The following PKHD1 variants were observed in gnomAD, a reference collection of about 807,000 sequenced individuals.
PKHD1 encodes the protein PKHD1 ciliary IPT domain containing fibrocystin/polyductin.
Under a neutral mutation model 412.0 loss-of-function variants are expected in PKHD1, and 291 were observed. The observed-to-expected ratio is 0.71, with a 90% CI of 0.64 to 0.78. The LOEUF is 0.78. Among genes scored for constraint, PKHD1 ranks in the 30% least tolerant of loss-of-function variants. The pLI is 0.00. For missense variants in PKHD1, 4,825 were observed against 4,950.7 expected (o/e 0.97, Z 0.76); for synonymous variants, 1,777 against 1,821.5 (o/e 0.98, Z 0.62).
rs192640102 is a variant in PKHD1, at chr6:51,922,749, G to T, written c.6122-10173C>A. On this transcript the variant is annotated intron_variant, in intron 37 of 66. Coordinates refer to ENST00000371117, the MANE Select transcript of PKHD1 (RefSeq NM_138694.4). ...CATGGGCATGGGACCCTCCGAGCCA[G>T]GCACGGGATATAATCTCCTGGTGTG... Among the ~76,000 whole-genome samples the T allele has an allele frequency of 6.3e-4, 96 of 152,352 alleles. 1 individual carries two copies. In the South Asian group the frequency reaches 0.011, roughly 18 times the overall value.
chr6:51,728,462 A>G (rs2150873451), intron 60 of PKHD1, among the ~76,000 whole-genome samples: 1 of 152,342 alleles, frequency 6.6e-6, no homozygotes, highest in East Asian at 1.9e-4. Context: ...AGCATGGATA[A>G]TAAACCAATT....
chr6:51,623,525 A>G (rs1011165833), intron 66 of PKHD1, among the ~76,000 whole-genome samples: 1 of 152,166 alleles, frequency 6.6e-6, no homozygotes, highest in African/African-American at 2.4e-5. Context: ...TTAAAAAAGC[A>G]TATCATCTGC....
intron 60 of PKHD1, among the ~76,000 whole-genome samples, chr6:51,696,629 T>C (rs996529351): frequency 6.6e-6 from 1 of 152,204 alleles, no homozygotes; most frequent in Non-Finnish European, 1.5e-5. Flanking sequence ...ATGGATATCC[T>C]GCTCTAAAAT....
chr6:51,746,101 A>G (rs969714142), intron 59 of PKHD1, among the ~76,000 whole-genome samples: 1 of 152,154 alleles, frequency 6.6e-6, no homozygotes, highest in African/African-American at 2.4e-5. Flanking sequence ...TTCATGGCAT[A>G]AAAAAATCCT....
At chr6:51,639,834 T>A (rs748980052) in intron 63 of PKHD1, among the ~76,000 whole-genome samples, 7 of 152,220 alleles carry the variant, frequency 4.6e-5, no homozygotes, top group Non-Finnish European at 8.8e-5. Flanking sequence ...TGGTTTGAGA[T>A]CTCTAAGGCT....
chr6:51,786,547 C>T (rs1223856646), intron 53 of PKHD1, among the ~76,000 whole-genome samples: 2 of 152,208 alleles, frequency 1.3e-5, no homozygotes, highest in Non-Finnish European at 2.9e-5. Context: ...CAAGGTGCTT[C>T]ATCTACTACC....
In PKHD1 at chr6:52,083,161, G is replaced by GT. The variant is rs772752209; in HGVS notation, c.130+16dup. 5 of 1,550,508 alleles carry GT rather than the reference G, an allele frequency of 3.2e-6. No individual in the cohort carries two copies. In the Admixed American group the frequency reaches 8.3e-5, roughly 26 times the overall value. On this transcript the variant is annotated intron_variant, in intron 3 of 66. Coordinates refer to ENST00000371117, the MANE Select transcript of PKHD1 (RefSeq NM_138694.4). ...TCAATACATAAGAAATGTGCACTTG[G>GT]TAAAACCCCAACCTACCATCAAAAA... is the stretch of plus-strand genomic sequence containing the variant.
intron 60 of PKHD1, among the ~76,000 whole-genome samples, chr6:51,727,449 C>T (rs958999004): frequency 2.0e-5 from 3 of 152,146 alleles, no homozygotes; most frequent in Admixed American, 6.5e-5. Context: ...AAGGAAAGTA[C>T]GCTTGATAGA....
chr6:52,066,403 C>T (rs1809709612), intron 11 of PKHD1, among the ~76,000 whole-genome samples: 2 of 152,252 alleles, frequency 1.3e-5, no homozygotes, highest in South Asian at 2.1e-4. Flanking sequence ...AGTCAGGGAA[C>T]AGTAAGTTAC....
At chr6:51,960,987 A>G (rs924514346) in intron 35 of PKHD1, among the ~76,000 whole-genome samples, 1 of 152,166 alleles carries the variant, frequency 6.6e-6, no homozygotes, top group Admixed American at 6.5e-5. Flanking sequence ...TAATAAAATC[A>G]CAATAGAGAA....
intron 37 of PKHD1, among the ~76,000 whole-genome samples, chr6:51,916,416 T>C (rs537529432): frequency 6.6e-6 from 1 of 152,278 alleles, no homozygotes; most frequent in South Asian, 2.1e-4. Context: ...TTTAACAGAT[T>C]GTACAGATAG....
At chr6:52,031,050 C>T (rs1288787980) in intron 29 of PKHD1, among the ~76,000 whole-genome samples, 1 of 152,118 alleles carries the variant, frequency 6.6e-6, no homozygotes. Context: ...CAATATCTGG[C>T]AGAATGATGG....
intron 60 of PKHD1, among the ~76,000 whole-genome samples, chr6:51,693,433 A>T (rs965644600): frequency 1.3e-5 from 2 of 152,208 alleles, no homozygotes; most frequent in Non-Finnish European, 2.9e-5. Context: ...AACTTCTAAC[A>T]TTTACCTAGA....
At chr6:51,911,284 T>C (rs1782906250) in intron 39 of PKHD1, among the ~76,000 whole-genome samples, 1 of 152,152 alleles carries the variant, frequency 6.6e-6, no homozygotes, top group Non-Finnish European at 1.5e-5. Context: ...GGCACATCAA[T>C]GTGATTCAGT....
intron 27 of PKHD1, among the ~76,000 whole-genome samples, chr6:52,037,734 T>A (rs552089454): frequency 1.3e-5 from 2 of 152,348 alleles, no homozygotes; most frequent in South Asian, 4.1e-4. Context: ...GCATTGTTGC[T>A]TAGGCAATAA....
chr6:51,635,221 C>T (rs1357482921), intron 64 of PKHD1, among the ~76,000 whole-genome samples: 2 of 152,038 alleles, frequency 1.3e-5, no homozygotes, highest in African/African-American at 2.4e-5. Context: ...TGAGCCACCC[C>T]GCACAGCCTA....
In PKHD1 at chr6:52,025,800, T is replaced by A. The variant is rs764688894; in HGVS notation, c.4010A>T (p.Asp1337Val). Residue 1337 changes from aspartate to valine, a missense_variant, in exon 32 of 67, where the codon GAT becomes GTT. Transcript: ENST00000371117. ...GCCCTGGAAGGACTGTGTCTCAACA[T>A]CACAGTTCAGGTTCCCCAGAAGGAT... Reference protein sequence around the residue: ...SVILLGNLNCDVETQSFQGNV... With the variant: ...SVILLGNLNCVVETQSFQGNV... The A allele has an allele frequency of 3.7e-6, 6 of 1,614,164 alleles. No homozygotes were observed. The highest frequency in any genetic ancestry group is 5.1e-6 in the Non-Finnish European group (6 of 1,180,002).
chr6:51,903,978 A>G lies in PKHD1; in HGVS notation c.6865+8T>C, dbSNP rs777581510. The G allele has an allele frequency of 2.0e-6, 3 of 1,531,042 alleles. No individual in the cohort carries two copies. The highest frequency in any genetic ancestry group is 1.8e-6 in the Non-Finnish European group (2 of 1,104,812). 94.8% of individuals were successfully genotyped at this position (1,531,042 alleles called of 1,614,324 possible). A position where few individuals can be genotyped will look rare whatever the true frequency, so the allele number is the denominator to read the frequency against. ...TGTAATAGATTTAAAATCAATTTAC[A>G]TATTTACCATCTTTCCTTCCATGAA... On this transcript the variant is annotated splice_region_variant and intron_variant, in intron 42 of 66. Transcript: ENST00000371117.
At chr6:51,903,481 A>G (rs1039534252) in intron 43 of PKHD1, 116 bp downstream of exon 43, 3 of 844,948 alleles carry the variant, frequency 3.6e-6, no homozygotes, top group African/African-American at 1.7e-5. Flanking sequence ...AATTCTTCCA[A>G]TGGCAATTAT....
Sources: gnomAD v4.1 joint callset for allele counts (sites outside exome capture counted in the v4.1 genomes callset) on GRCh38, gnomAD v4.1.1 for gene constraint, MANE v1.5 for transcripts, NCBI Gene and HGNC (gene_info 2026-07-23, HGNC 2026-07-21) for gene names.